PIK3CB: variants seen among roughly 807,000 people sequenced by gnomAD.
The protein encoded by PIK3CB is phosphatidylinositol-4,5-bisphosphate 3-kinase catalytic subunit beta.
A neutral mutation model predicts 136.8 loss-of-function variants in PIK3CB; 39 were observed. The ratio of observed to expected loss-of-function variants is 0.29; its 90% confidence interval spans 0.22 to 0.37. The LOEUF (loss-of-function observed/expected upper bound fraction) is 0.37. Among genes scored for constraint, PIK3CB ranks in the 10% least tolerant of loss-of-function variants. PIK3CB has a pLI of 1.00. For missense variants in PIK3CB, 868 were observed against 1,275.4 expected (o/e 0.68, Z 4.87); for synonymous variants, 428 against 436.6 (o/e 0.98, Z 0.25).
intron 14 of PIK3CB, among the ~76,000 whole-genome samples, chr3:138,693,407 T>C (rs2044051546): frequency 6.6e-6 from 1 of 151,074 alleles, no homozygotes; most frequent in South Asian, 2.1e-4. Flanking sequence ...ATTATTATTA[T>C]TTTTTTTTGG....
chr3:138,717,076 A>G (rs1184696656), intron 8 of PIK3CB, among the ~76,000 whole-genome samples: 1 of 149,952 alleles, frequency 6.7e-6, no homozygotes, highest in Non-Finnish European at 1.5e-5. Flanking sequence ...CAACATGGTA[A>G]AACTCGGTCT....
intron 1 of PIK3CB, among the ~76,000 whole-genome samples, chr3:138,826,911 A>T (rs749651873): frequency 3.3e-5 from 5 of 152,050 alleles, no homozygotes; most frequent in Non-Finnish European, 7.4e-5. Context: ...CTCTACTAAA[A>T]ATACAAAATT....
intron 1 of PIK3CB, among the ~76,000 whole-genome samples, chr3:138,799,899 G>T (rs1362601813): frequency 2.0e-5 from 3 of 151,848 alleles, no homozygotes; most frequent in African/African-American, 7.3e-5. Flanking sequence ...GGCTGGTCTC[G>T]AACTCCTGTG....
intron 6 of PIK3CB, among the ~76,000 whole-genome samples, chr3:138,737,395 A>C (rs13099169): frequency 5.0e-5 from 2 of 40,030 alleles, no homozygotes; most frequent in Non-Finnish European, 9.1e-5. Context: ...ACTCTGTCTC[A>C]AAAAAAAAAA....
intron 17 of PIK3CB, among the ~76,000 whole-genome samples, chr3:138,684,011 C>T (rs1292861072): frequency 2.0e-5 from 3 of 152,162 alleles, no homozygotes; most frequent in Non-Finnish European, 2.9e-5. Context: ...CTAAGATTGG[C>T]CCTTCTCACC....
chr3:138,766,169 G>C (rs1007547120), intron 2 of PIK3CB, among the ~76,000 whole-genome samples: 5 of 152,118 alleles, frequency 3.3e-5, no homozygotes, highest in African/African-American at 9.7e-5. Context: ...AGGTGTTTCT[G>C]AAAATGATGT....
intron 1 of PIK3CB, among the ~76,000 whole-genome samples, chr3:138,800,098 T>C (rs553710707): frequency 2.8e-4 from 42 of 152,300 alleles, no homozygotes; most frequent in African/African-American, 9.1e-4. Flanking sequence ...CAGCTTGCAA[T>C]GTGCTGCCTC....
intron 1 of PIK3CB, among the ~76,000 whole-genome samples, chr3:138,830,031 G>A (rs1933951998): frequency 6.6e-6 from 1 of 152,110 alleles, no homozygotes; most frequent in Non-Finnish European, 1.5e-5. Context: ...AGGACAACAT[G>A]AGATCATTCA....
At chr3:138,741,731 G>A (rs185253831) in intron 5 of PIK3CB, among the ~76,000 whole-genome samples, 4 of 152,098 alleles carry the variant, frequency 2.6e-5, no homozygotes, top group Admixed American at 1.3e-4. Context: ...AGGAAGCTGC[G>A]GCAAGAGAAT....
At chr3:138,731,054 T>C (rs750766242) in intron 8 of PIK3CB, among the ~76,000 whole-genome samples, 1 of 152,190 alleles carries the variant, frequency 6.6e-6, no homozygotes, top group Non-Finnish European at 1.5e-5. Flanking sequence ...ATGTACATAG[T>C]ATCATCCCTT....
chr3:138,776,105 G>A (rs1002568072), intron 2 of PIK3CB, among the ~76,000 whole-genome samples: 2 of 152,070 alleles, frequency 1.3e-5, no homozygotes, highest in Admixed American at 6.5e-5. Context: ...GGCTGAGGCA[G>A]GAGGATCACC....
intron 8 of PIK3CB, among the ~76,000 whole-genome samples, chr3:138,725,798 T>C (rs1265341847): frequency 1.3e-5 from 2 of 152,226 alleles, no homozygotes; most frequent in African/African-American, 4.8e-5. Flanking sequence ...AATGTCTTTG[T>C]GAGATAATTC....
chr3:138,701,222 A>C (rs2044245534), intron 12 of PIK3CB, among the ~76,000 whole-genome samples: 1 of 151,902 alleles, frequency 6.6e-6, no homozygotes. Context: ...TTAAAAAAAA[A>C]AAAACAAAAA....
At chr3:138,826,499 GTTTTTTTT>G (rs34843148) in intron 1 of PIK3CB, among the ~76,000 whole-genome samples, 3 of 95,914 alleles carry the variant, frequency 3.1e-5, no homozygotes, top group African/African-American at 1.2e-4. Flanking sequence ...GACCATTTGG[GTTTTTTTT>G]TTTTTTTTTT....
intron 2 of PIK3CB, among the ~76,000 whole-genome samples, chr3:138,788,615 C>A (rs1443506561): frequency 7.1e-6 from 1 of 141,580 alleles, no homozygotes; most frequent in African/African-American, 2.6e-5. Context: ...CGAGATCATG[C>A]CACTGCACTC....
intron 19 of PIK3CB, among the ~76,000 whole-genome samples, chr3:138,678,155 G>C (rs1375036680): frequency 6.6e-6 from 1 of 152,016 alleles, no homozygotes; most frequent in African/African-American, 2.4e-5. Context: ...AGGCATGGTG[G>C]CATGTGCCTG....
rs1197396682 is a variant in PIK3CB at position 138,708,301 on chromosome 3, C to T, written c.1400-1012G>A. On this transcript the variant is annotated intron_variant, in intron 10 of 23. Coordinates refer to ENST00000674063, the MANE Select transcript of PIK3CB (RefSeq NM_006219.3). ...TTTTTTTGAGACAGGGTTTCTGTCACCCAGGTTGGGGTGCAGTGGCATGAT... is the reference window on the plus strand; with the variant it reads ...TTTTTTTGAGACAGGGTTTCTGTCATCCAGGTTGGGGTGCAGTGGCATGAT... Among the ~76,000 whole-genome samples, 18 of 148,312 alleles carry T rather than the reference C, an allele frequency of 1.2e-4. 1 individual carries two copies. The highest frequency in any genetic ancestry group is 1.5e-5 in the Non-Finnish European group (1 of 67,372).
chr3:138,806,791 CA>C (rs1419594527), intron 1 of PIK3CB, among the ~76,000 whole-genome samples: 1 of 152,136 alleles, frequency 6.6e-6, no homozygotes, highest in East Asian at 1.9e-4. Flanking sequence ...GTCAACTTGC[CA>C]ATGGTGATAC....
intron 2 of PIK3CB, among the ~76,000 whole-genome samples, chr3:138,775,384 C>T (rs911276456): frequency 5.4e-4 from 82 of 152,092 alleles, no homozygotes; most frequent in Non-Finnish European, 3.7e-4. Flanking sequence ...CAAAACAAAA[C>T]GAAGCAATTT....
Sources: allele counts gnomAD v4.1 joint callset (sites outside exome capture counted in the v4.1 genomes callset), GRCh38; gene constraint gnomAD v4.1.1; transcripts MANE v1.5; gene names NCBI Gene and HGNC (gene_info 2026-07-23, HGNC 2026-07-21).